Variants in EXOC4 observed in about 807,000 individuals in gnomAD.
The protein encoded by EXOC4 is exocyst complex component 4.
In EXOC4, 71 loss-of-function variants were observed where a neutral mutation model predicts 107.2. The ratio of observed to expected loss-of-function variants is 0.66; its 90% CI spans 0.55 to 0.81. The LOEUF is 0.81. EXOC4 is among the 30% of genes least tolerant of loss of function. EXOC4 has a pLI of 0.00. For missense variants in EXOC4, 1,108 were observed against 1,189.6 expected, an observed-to-expected ratio of 0.93 and a Z score of 1.01; for synonymous variants, 456 against 441.2, an observed-to-expected ratio of 1.03 and a Z score of -0.42.
At chr7:133,414,838 A>G (rs1021699768) in intron 7 of EXOC4, among the ~76,000 whole-genome samples, 1 of 152,266 alleles carries the variant, frequency 6.6e-6, no homozygotes, top group Non-Finnish European at 1.5e-5. Flanking sequence ...ATGTTCACAG[A>G]GTTGTGTATC....
chr7:133,681,568 C>G (rs1056853739), intron 10 of EXOC4, among the ~76,000 whole-genome samples: 4 of 152,132 alleles, frequency 2.6e-5, no homozygotes, highest in Admixed American at 2.6e-4. Context: ...AGTCTTCCTA[C>G]CATAGTTTAG....
chr7:133,508,907 T>C (rs996856949), intron 9 of EXOC4, among the ~76,000 whole-genome samples: 1 of 152,258 alleles, frequency 6.6e-6, no homozygotes, highest in Admixed American at 6.5e-5. Flanking sequence ...ATCATTGTGC[T>C]ACATGTTTTG....
chr7:133,881,641 G>C (rs1798968650), intron 11 of EXOC4, among the ~76,000 whole-genome samples: 1 of 152,028 alleles, frequency 6.6e-6, no homozygotes, highest in South Asian at 2.1e-4. Context: ...ATCTGGCTTT[G>C]TATCTCCTGA....
intron 11 of EXOC4, among the ~76,000 whole-genome samples, chr7:133,878,321 C>A (rs1003587258): frequency 7.2e-5 from 11 of 152,124 alleles, no homozygotes; most frequent in African/African-American, 2.7e-4. Context: ...CTCTTTAATC[C>A]CTAACAGTCA....
At chr7:133,321,404 A>C (rs1157638764) in intron 5 of EXOC4, among the ~76,000 whole-genome samples, 1 of 152,060 alleles carries the variant, frequency 6.6e-6, no homozygotes, top group African/African-American at 2.4e-5. Context: ...ATTTCTCCTA[A>C]TGCTATCCCT....
At chr7:134,083,763 T>C in the EXOC4 span, among the ~76,000 whole-genome samples, 1 of 152,220 alleles carries the variant, frequency 6.6e-6, no homozygotes, top group Non-Finnish European at 1.5e-5. Context: ...ACTTTGACCA[T>C]GCTCTAAAGG....
intron 14 of EXOC4, among the ~76,000 whole-genome samples, chr7:133,970,334 C>G (rs1424211895): frequency 6.6e-6 from 1 of 151,934 alleles, no homozygotes; most frequent in Non-Finnish European, 1.5e-5. Flanking sequence ...GGCTTCAGCC[C>G]CCTTTCCAGG....
At chr7:133,657,530 G>A (rs1803328500) in intron 10 of EXOC4, among the ~76,000 whole-genome samples, 1 of 152,164 alleles carries the variant, frequency 6.6e-6, no homozygotes, top group Non-Finnish European at 1.5e-5. Context: ...TAAGTGGTGT[G>A]CGTGCTTTTT....
chr7:133,898,066 A>G (rs1187160521), intron 12 of EXOC4, among the ~76,000 whole-genome samples: 1 of 147,106 alleles, frequency 6.8e-6, no homozygotes, highest in Non-Finnish European at 1.5e-5. Context: ...CTACTTCTAT[A>G]AGTTCAACTC....
chr7:134,078,345 A>G, the EXOC4 span, among the ~76,000 whole-genome samples: 2 of 151,458 alleles, frequency 1.3e-5, no homozygotes, highest in South Asian at 2.1e-4. Context: ...CTATAATATT[A>G]TAGAGATTAT....
chr7:133,739,140 C>T (rs1383355370), intron 10 of EXOC4, among the ~76,000 whole-genome samples: 4 of 151,022 alleles, frequency 2.6e-5, no homozygotes. Flanking sequence ...TCTAATAGAA[C>T]AACAAAAGAC....
At chr7:133,950,394 T>C (rs1800662204) in intron 14 of EXOC4, among the ~76,000 whole-genome samples, 1 of 152,212 alleles carries the variant, frequency 6.6e-6, no homozygotes, top group Non-Finnish European at 1.5e-5. Context: ...TGAAAGATTT[T>C]AAAAGATCTG....
intron 9 of EXOC4, among the ~76,000 whole-genome samples, chr7:133,590,754 G>A (rs550703183): frequency 2.0e-5 from 3 of 152,208 alleles, no homozygotes; most frequent in Non-Finnish European, 2.9e-5. Context: ...AGCCACTTTC[G>A]TCAGTAATAA....
intron 9 of EXOC4, among the ~76,000 whole-genome samples, chr7:133,520,600 G>A (rs1799960660): frequency 6.6e-6 from 1 of 152,070 alleles, no homozygotes; most frequent in Non-Finnish European, 1.5e-5. Context: ...AAAATATTTG[G>A]TGGCTATTGA....
chr7:133,906,452 A>C (rs868415855), intron 12 of EXOC4, among the ~76,000 whole-genome samples: 1 of 152,134 alleles, frequency 6.6e-6, no homozygotes, highest in African/African-American at 2.4e-5. Flanking sequence ...AGAGCTCACT[A>C]AAATGCTAAT....
At chr7:134,071,739 G>T in the EXOC4 span, among the ~76,000 whole-genome samples, 1 of 152,178 alleles carries the variant, frequency 6.6e-6, no homozygotes, top group Admixed American at 6.5e-5. Flanking sequence ...CTACATGCAG[G>T]AATGAGCAAA....
intron 12 of EXOC4, among the ~76,000 whole-genome samples, chr7:133,907,709 G>A (rs1041716857): frequency 6.6e-6 from 1 of 152,092 alleles, no homozygotes; most frequent in African/African-American, 2.4e-5. Flanking sequence ...CATGGTGGCA[G>A]GTTCCTGTAA....
intron 10 of EXOC4, among the ~76,000 whole-genome samples, chr7:133,688,365 C>A (rs1428207015): frequency 6.6e-6 from 1 of 152,018 alleles, no homozygotes; most frequent in Non-Finnish European, 1.5e-5. Flanking sequence ...AGTGAAAATA[C>A]GTATTGAAAA....
chr7:133,880,263 A>C (rs1258894824), intron 11 of EXOC4, among the ~76,000 whole-genome samples: 1 of 152,202 alleles, frequency 6.6e-6, no homozygotes, highest in East Asian at 1.9e-4. Context: ...TGAAAAGAAA[A>C]GCCCATGCTT....
Sources: gnomAD v4.1 joint callset for allele counts (sites outside exome capture counted in the v4.1 genomes callset) on GRCh38, gnomAD v4.1.1 for gene constraint, MANE v1.5 for transcripts, NCBI Gene and HGNC (gene_info 2026-07-23, HGNC 2026-07-21) for gene names.